EEF1AKMT3: variants seen among roughly 807,000 people sequenced by gnomAD.
EEF1AKMT3 encodes EEF1A lysine methyltransferase 3, also known as eEF1A-KMT3.
EEF1AKMT3 carries 17 observed loss-of-function variants against 17.8 expected under a neutral mutation model. The observed-to-expected ratio is 0.96, with a 90% CI of 0.65 to 1.43. The LOEUF is 1.43. Ranked by LOEUF, EEF1AKMT3 falls within the 40% of genes most tolerant of loss-of-function variation. The probability of loss-of-function intolerance (pLI) is 0.00; values close to 1 mark genes in which losing one functional copy is unlikely to be tolerated. For synonymous variants in EEF1AKMT3, 116 were observed against 126.5 expected, an observed-to-expected ratio of 0.92 and a Z score of 0.56; for missense variants, 244 against 285.8, an observed-to-expected ratio of 0.85 and a Z score of 1.06.
In EEF1AKMT3 at chr12:57,773,093, G is replaced by C; in HGVS notation, c.254G>C (p.Gly85Ala). 6.2e-7 allele frequency: 1 copy of C among 1,614,154 alleles called. No individual in the cohort carries two copies. The highest frequency in any genetic ancestry group is 2.2e-5 in the East Asian group (1 of 44,878). ...AAGAAGGTGATCGAACTGGGTGCGG[G>C]GACAGGCATCGTGGGGATCTTGGCA... ...RGKKVIELGA[G>A]TGIVGILAAL... The change falls in exon 2 of 3, where the codon GGG (glycine) becomes GCG (alanine). Residue 85 changes from glycine (G) to alanine (A), a missense_variant. Coordinates refer to ENST00000300209, the MANE Select transcript of EEF1AKMT3 (RefSeq NM_015433.3).
intron 2 of EEF1AKMT3, chr12:57,774,719 C>A: frequency 6.2e-7 from 1 of 1,612,652 alleles, no homozygotes; most frequent in Non-Finnish European, 8.5e-7. Context: ...CATGCTCTAT[C>A]CATGTCTACC....
At chr12:57,777,726 A>G (rs1457632000) in intron 2 of EEF1AKMT3, among the ~76,000 whole-genome samples, 1 of 152,134 alleles carries the variant, frequency 6.6e-6, no homozygotes, top group Non-Finnish European at 1.5e-5. Context: ...ATGCCTTTAA[A>G]TGTCCTGTTG....
chr12:57,780,474 G>A lies in EEF1AKMT3; in HGVS notation c.509G>A (p.Cys170Tyr). Residue 170 changes from cysteine (C) to tyrosine (Y), a missense_variant, in exon 3 of 3, where the codon TGC (cysteine) becomes TAC (tyrosine). Transcript: ENST00000300209. ...PLLLGTLQHL[C>Y]RPHGTIYLAS... is the part of the protein sequence containing the mutation. ...CTGCTGGGGACCCTCCAACACCTGT[G>A]CAGGCCCCATGGCACCATCTATCTG... 6.2e-7 allele frequency: 1 copy of A among 1,614,184 alleles called. No individual in the cohort carries two copies. The highest frequency in any genetic ancestry group is 8.5e-7 in the Non-Finnish European group (1 of 1,180,040).
rs1955455240 is a variant in EEF1AKMT3, at chr12:57,773,128, G to A, written c.289G>A (p.Gly97Arg). 4.3e-6 allele frequency: 7 copies of A among 1,613,986 alleles called. No homozygotes were observed. Among genetic ancestry groups the A allele is most frequent in the Non-Finnish European group, 5.9e-6 (7 of 1,179,992 alleles). ...GIVGILAALQ[G>R]GDVTITDLPL... ...CGTGGGGATCTTGGCAGCGCTGCAG[G>A]GTGCGTGAGCTGGCTTTTTACGGGA... Residue 97 changes from glycine (G) to arginine (R), a missense_variant and splice_region_variant, in exon 2 of 3, where the codon GGG becomes AGG. Physicochemically the swap from Gly to Arg is moderately radical, Grantham distance 125. Coordinates refer to ENST00000300209, the MANE Select transcript of EEF1AKMT3 (RefSeq NM_015433.3).
chr12:57,777,397 C>T (rs1472383787), intron 2 of EEF1AKMT3, among the ~76,000 whole-genome samples: 2 of 152,222 alleles, frequency 1.3e-5, no homozygotes, highest in Admixed American at 1.3e-4. Context: ...CCTATTCTTT[C>T]CTTCAATCCA....
intron 2 of EEF1AKMT3, among the ~76,000 whole-genome samples, chr12:57,779,747 T>C (rs1191797363): frequency 6.6e-6 from 1 of 152,240 alleles, no homozygotes; most frequent in Non-Finnish European, 1.5e-5. Context: ...CTTTGTCTCA[T>C]GTCTTGACAC....
chr12:57,777,286 A>T (rs1460661270), intron 2 of EEF1AKMT3, among the ~76,000 whole-genome samples: 1 of 152,094 alleles, frequency 6.6e-6, no homozygotes, highest in Non-Finnish European at 1.5e-5. Context: ...TCAGAAAAAA[A>T]CTCTTGATCC....
chr12:57,780,870 A>T lies in EEF1AKMT3; in HGVS notation c.*224A>T, dbSNP rs532387698. 6 of 598,540 alleles carry T rather than the reference A, an allele frequency of 1.0e-5. No individual in the cohort carries two copies. The South Asian group carries it at 1.3e-4, about 13-fold the overall frequency. 37.1% of individuals were successfully genotyped at this position (598,540 alleles called of 1,614,324 possible). A position where few individuals can be genotyped will look rare whatever the true frequency, so the allele number is the denominator to read the frequency against. ...GAGTTCTGGCAGCACTAGTGTTAGA[A>T]CACCAAGGAGGTTCCTGGCTCCTGT... On this transcript the variant is annotated 3_prime_UTR_variant, in exon 3 of 3. Coordinates refer to ENST00000300209, the MANE Select transcript of EEF1AKMT3 (RefSeq NM_015433.3).
rs56919999 is a variant in EEF1AKMT3, at chr12:57,778,293, C to CTTTTTTTTTTTTTTTTTTTTTTTTTT, written c.290-1947_290-1946insTTTTTTTTTTTTTTTTTTTTTTTTTT. ...CCAAACACCCAGAAACCATCCTGAG[C>CTTTTTTTTTTTTTTTTTTTTTTTTTT]TTTTTTTTTTTTTTTGAGACAGGTT... On this transcript the variant is annotated intron_variant, in intron 2 of 2. Transcript: ENST00000300209. Among the ~76,000 whole-genome samples, 3 of 43,994 alleles carry CTTTTTTTTTTTTTTTTTTTTTTTTTT rather than the reference C, an allele frequency of 6.8e-5. 1 individual carries two copies. The highest frequency in any genetic ancestry group is 1.2e-4 in the Non-Finnish European group (3 of 25,678). The allele number at this position is 43,994 out of a possible 152,430, so 28.9% of individuals were successfully genotyped here. A position where few individuals can be genotyped will look rare whatever the true frequency, so the allele number is the denominator to read the frequency against.
chr12:57,778,709 C>G (rs1208709947), intron 2 of EEF1AKMT3, among the ~76,000 whole-genome samples: 1 of 152,174 alleles, frequency 6.6e-6, no homozygotes, highest in Admixed American at 6.5e-5. Flanking sequence ...CATTTCTTAG[C>G]CATTGCTACT....
intron 2 of EEF1AKMT3, among the ~76,000 whole-genome samples, chr12:57,777,411 G>A (rs1955486983): frequency 6.6e-6 from 1 of 152,034 alleles, no homozygotes; most frequent in African/African-American, 2.4e-5. Flanking sequence ...CAATCCAATT[G>A]TTCTAGTTAA....
At position 57,780,505 on chromosome 12, in the gene EEF1AKMT3, C is replaced by G; in HGVS notation, c.540C>G (p.Ser180=). ...CCCATGGCACCATCTATCTGGCCTC[C>G]AAGATGAGAAAGGAGCATGGGACAG... ...CRPHGTIYLA[S]KMRKEHGTES... The change falls in exon 3 of 3, where the codon TCC becomes TCG. Residue 180 remains serine (S), a synonymous_variant. Coordinates refer to ENST00000300209, the MANE Select transcript of EEF1AKMT3 (RefSeq NM_015433.3). 1 of 1,614,194 alleles carries G rather than the reference C, an allele frequency of 6.2e-7. No individual in the cohort carries two copies. The highest frequency in any genetic ancestry group is 2.2e-5 in the East Asian group (1 of 44,888).
Position 57,772,667 on chromosome 12 carries a change from T to C in EEF1AKMT3, c.-58T>C. The C allele has an allele frequency of 6.5e-7, 1 of 1,537,350 alleles. No homozygotes were observed. Among genetic ancestry groups the C allele is most frequent in the Non-Finnish European group, 8.8e-7 (1 of 1,142,242 alleles). ...TCGCGGCCCCCAGCCTCTACCCCGCTCCGGATCCGGGATCTGAGCGCCGGC... is the reference window on the plus strand; with the variant it reads ...TCGCGGCCCCCAGCCTCTACCCCGCCCCGGATCCGGGATCTGAGCGCCGGC... On this transcript the variant is annotated 5_prime_UTR_variant, in exon 1 of 3. Coordinates refer to ENST00000300209, the MANE Select transcript of EEF1AKMT3 (RefSeq NM_015433.3). The surrounding 1 kb of genome is among the most constrained non-coding windows in gnomAD (Gnocchi z 4.1).
chr12:57,774,684 G>A, intron 2 of EEF1AKMT3: 4 of 1,612,396 alleles, frequency 2.5e-6, no homozygotes, highest in Non-Finnish European at 3.4e-6. Flanking sequence ...AAGAACTCTG[G>A]CGAGGTATGC....
Position 57,781,600 on chromosome 12 carries a change from C to T in EEF1AKMT3, c.*954C>T, listed in dbSNP as rs1287074151. The T allele has an allele frequency of 1.3e-5, 2 of 152,138 alleles. No individual in the cohort carries two copies. The highest frequency in any genetic ancestry group is 2.9e-5 in the Non-Finnish European group (2 of 68,042). The allele number at this position is 152,138 out of a possible 1,614,324, so 9.4% of individuals were successfully genotyped here. A position where few individuals can be genotyped will look rare whatever the true frequency, so the allele number is the denominator to read the frequency against. ...TGCTTTCCAGAGTTAGAGCCTTGATCACGGAACATCATTGTGTGCAGAAGA... is the reference window on the plus strand; with the variant it reads ...TGCTTTCCAGAGTTAGAGCCTTGATTACGGAACATCATTGTGTGCAGAAGA... On this transcript the variant is annotated 3_prime_UTR_variant, in exon 3 of 3. Transcript: ENST00000300209.
At chr12:57,776,627 G>A (rs1216237807) in intron 2 of EEF1AKMT3, among the ~76,000 whole-genome samples, 1 of 151,978 alleles carries the variant, frequency 6.6e-6, no homozygotes, top group Non-Finnish European at 1.5e-5. Context: ...TGATGACTTT[G>A]TTTCCTATCT....
chr12:57,773,266 A>T (rs774530609), intron 2 of EEF1AKMT3, 138 bp downstream of exon 2: 145 of 833,082 alleles, frequency 1.7e-4, no homozygotes, highest in Non-Finnish European at 2.5e-4. Flanking sequence ...TTTTTTTAAA[A>T]TTTGTTTTTG....
In EEF1AKMT3 at chr12:57,780,269, A is replaced by C. The variant is rs1166945655; in HGVS notation, c.304A>C (p.Ile102Leu). 2 of 1,612,548 alleles carry C rather than the reference A, an allele frequency of 1.2e-6. No homozygotes were observed. Reference sequence around the variant, plus strand: ...CTCTCTCTCAGGGGGGGATGTTACCATCACTGACCTGCCCCTGGCCCTAGA... The same window carrying C: ...CTCTCTCTCAGGGGGGGATGTTACCCTCACTGACCTGCCCCTGGCCCTAGA... ...LAALQGGDVT[I>L]TDLPLALEQI... Residue 102 changes from isoleucine (I) to leucine (L), a missense_variant, in exon 3 of 3, where the codon ATC becomes CTC. By Grantham distance (5) the Ile-to-Leu change is conservative (BLOSUM62 2). Coordinates refer to ENST00000300209, the MANE Select transcript of EEF1AKMT3 (RefSeq NM_015433.3).
At position 57,774,748 on chromosome 12, in the gene EEF1AKMT3, A is replaced by G. The variant is rs1286489198; in HGVS notation, c.289+1620A>G. 5 of 1,610,998 alleles carry G rather than the reference A, an allele frequency of 3.1e-6. No individual in the cohort carries two copies. The Admixed American group carries it at 8.4e-5, about 27-fold the overall frequency. On this transcript the variant is annotated intron_variant, in intron 2 of 2. Transcript: ENST00000300209. ...GTCTACCATGACTCCCTGGGAATCCATCAAGGGAAGCTCTGTCAGGTGAGG... is the reference window on the plus strand; with the variant it reads ...GTCTACCATGACTCCCTGGGAATCCGTCAAGGGAAGCTCTGTCAGGTGAGG...
Sources: allele counts gnomAD v4.1 joint callset (sites outside exome capture counted in the v4.1 genomes callset), GRCh38; gene constraint gnomAD v4.1.1; non-coding constraint Gnocchi (gnomAD v3.1); transcripts MANE v1.5; gene names NCBI Gene and HGNC (gene_info 2026-07-23, HGNC 2026-07-21).